The following MAN2A1 variants were observed in gnomAD, a reference collection of about 807,000 sequenced individuals.
MAN2A1 encodes the protein mannosidase alpha class 2A member 1.
Under a neutral mutation model 142.6 loss-of-function variants are expected in MAN2A1, and 76 were observed. The ratio of observed to expected loss-of-function variants is 0.53; its 90% CI spans 0.44 to 0.65. The LOEUF (loss-of-function observed/expected upper bound fraction) is 0.65, where lower values mean the gene tolerates loss of function less well. Ranked by LOEUF, MAN2A1 falls within the 30% of genes least tolerant of loss-of-function variation. The pLI is 0.00. For synonymous variants in MAN2A1, 559 were observed against 473.2 expected, an observed-to-expected ratio of 1.18 and a Z score of -2.35; for missense variants, 1,311 against 1,365.1, an observed-to-expected ratio of 0.96 and a Z score of 0.62.
intron 17 of MAN2A1, among the ~76,000 whole-genome samples, chr5:109,844,579 A>T (rs1413283302): frequency 2.0e-5 from 3 of 152,030 alleles, no homozygotes; most frequent in Non-Finnish European, 4.4e-5. Context: ...ACAAAACTTT[A>T]TTCTTTCACA....
At chr5:109,809,265 A>G (rs998248546) in intron 12 of MAN2A1, among the ~76,000 whole-genome samples, 16 of 152,108 alleles carry the variant, frequency 1.1e-4, no homozygotes, top group African/African-American at 3.9e-4. Flanking sequence ...AGCATAGATG[A>G]CTTATTATAG....
intron 5 of MAN2A1, among the ~76,000 whole-genome samples, chr5:109,765,594 T>C (rs1752968237): frequency 6.6e-6 from 1 of 152,168 alleles, no homozygotes; most frequent in Non-Finnish European, 1.5e-5. Context: ...GGAATAAATA[T>C]TCTATACCTC....
At chr5:109,763,524 G>A (rs77975816) in intron 5 of MAN2A1, among the ~76,000 whole-genome samples, 3 of 113,002 alleles carry the variant, frequency 2.7e-5, no homozygotes, top group African/African-American at 1.3e-4. Context: ...ATTTATTTTA[G>A]TATTATTATT....
chr5:109,767,787 G>A, intron 6 of MAN2A1, 79 bp downstream of exon 6: 2 of 1,218,918 alleles, frequency 1.6e-6, no homozygotes, highest in Non-Finnish European at 2.3e-6. Context: ...TGCCACTGTG[G>A]GTTTTGTTCA....
intron 12 of MAN2A1, among the ~76,000 whole-genome samples, chr5:109,815,955 C>G (rs3797684): frequency 0.17 from 26,294 of 152,164 alleles, 3,235 homozygotes; most frequent in East Asian, 0.64. Flanking sequence ...GTCCAACATC[C>G]TCTTTGAAAT....
Position 109,867,727 on chromosome 5 carries a change from A to G in MAN2A1, c.*729A>G, listed in dbSNP as rs991251085. Reference sequence around the variant, plus strand: ...AAATAGAAGCAATTCCATAGGTACCATAAACCTATTTTAGGTACCACAAGG... The same window carrying G: ...AAATAGAAGCAATTCCATAGGTACCGTAAACCTATTTTAGGTACCACAAGG... On this transcript the variant is annotated 3_prime_UTR_variant, in exon 22 of 22. Transcript: ENST00000261483. 1.3e-5 allele frequency: 2 copies of G among 152,626 alleles called. No individual in the cohort carries two copies. The highest frequency in any genetic ancestry group is 2.4e-5 in the African/African-American group (1 of 41,446). 9.5% of individuals were successfully genotyped at this position (152,626 alleles called of 1,614,324 possible). A position where few individuals can be genotyped will look rare whatever the true frequency, so the allele number is the denominator to read the frequency against.
At chr5:109,732,376 A>G (rs536999682) in intron 4 of MAN2A1, among the ~76,000 whole-genome samples, 24 of 152,132 alleles carry the variant, frequency 1.6e-4, no homozygotes, top group Non-Finnish European at 3.1e-4. Flanking sequence ...ATTAGATCCC[A>G]TTTGTCAATT....
At position 109,842,806 on chromosome 5, in the gene MAN2A1, G is replaced by GTTTTTTTTTTTTTTTTTTTTTT. The variant is rs768238978; in HGVS notation, c.2700+362_2700+363insTTTTTTTTTTTTTTTTTTTTTT. ...GGGATTGATGGATTATACTTATTGG[G>GTTTTTTTTTTTTTTTTTTTTTT]TTTTTTTTTTTTTTTTTGAGAAAGA... On this transcript the variant is annotated intron_variant, in intron 17 of 21. Transcript: ENST00000261483. Among the ~76,000 whole-genome samples, 26 of 116,180 alleles carry GTTTTTTTTTTTTTTTTTTTTTT rather than the reference G, an allele frequency of 2.2e-4. 2 individuals carry two copies. The highest frequency in any genetic ancestry group is 6.8e-4 in the South Asian group (2 of 2,932). The allele number at this position is 116,180 out of a possible 152,430, so 76.2% of individuals were successfully genotyped here. A position where few individuals can be genotyped will look rare whatever the true frequency, so the allele number is the denominator to read the frequency against.
intron 1 of MAN2A1, among the ~76,000 whole-genome samples, chr5:109,698,003 T>A (rs189351032): frequency 1.5e-3 from 224 of 152,342 alleles, no homozygotes; most frequent in Admixed American, 3.0e-3. Flanking sequence ...CTGAAGGTTT[T>A]GCACTGTAGG....
chr5:109,778,791 ATACT>A (rs1414219497), intron 8 of MAN2A1, among the ~76,000 whole-genome samples: 1 of 152,048 alleles, frequency 6.6e-6, no homozygotes, highest in East Asian at 1.9e-4. Context: ...TTCTTGTGGG[ATACT>A]TAAAGTTACT....
At chr5:109,745,511 A>T (rs1158815458) in intron 4 of MAN2A1, among the ~76,000 whole-genome samples, 2 of 152,192 alleles carry the variant, frequency 1.3e-5, no homozygotes, top group Non-Finnish European at 2.9e-5. Flanking sequence ...TTTTATGAAT[A>T]AAGTATTGTT....
At chr5:109,808,815 T>G (rs1393749571) in intron 12 of MAN2A1, among the ~76,000 whole-genome samples, 1 of 151,800 alleles carries the variant, frequency 6.6e-6, no homozygotes, top group African/African-American at 2.4e-5. Flanking sequence ...GTGATTCTTG[T>G]GCCTCAGCCT....
At chr5:109,814,443 C>T (rs1022149766) in intron 12 of MAN2A1, among the ~76,000 whole-genome samples, 2 of 152,134 alleles carry the variant, frequency 1.3e-5, no homozygotes, top group Non-Finnish European at 1.5e-5. Context: ...TTTCTCTGTA[C>T]TCTACTTAAA....
intron 1 of MAN2A1, among the ~76,000 whole-genome samples, chr5:109,707,736 G>A (rs1012299067): frequency 1.3e-5 from 2 of 152,134 alleles, no homozygotes; most frequent in Non-Finnish European, 2.9e-5. Context: ...GGCTTGGAAC[G>A]GAGATAAGAT....
At chr5:109,731,195 T>A (rs1036799065) in intron 4 of MAN2A1, among the ~76,000 whole-genome samples, 1 of 151,944 alleles carries the variant, frequency 6.6e-6, no homozygotes, top group Non-Finnish European at 1.5e-5. Context: ...CCTCAAACAT[T>A]TATCATTTTC....
intron 16 of MAN2A1, among the ~76,000 whole-genome samples, chr5:109,835,416 A>G (rs957231248): frequency 5.3e-5 from 8 of 152,234 alleles, no homozygotes; most frequent in African/African-American, 1.9e-4. Flanking sequence ...CAGTATTTTT[A>G]AGACACTCAG....
rs1755928959 is a variant in MAN2A1 at position 109,868,123 on chromosome 5, G to C, written c.*1125G>C. 1 of 152,170 alleles carries C rather than the reference G, an allele frequency of 6.6e-6. No homozygotes were observed. The highest frequency in any genetic ancestry group is 1.5e-5 in the Non-Finnish European group (1 of 68,026). 9.4% of individuals were successfully genotyped at this position (152,170 alleles called of 1,614,324 possible). A position where few individuals can be genotyped will look rare whatever the true frequency, so the allele number is the denominator to read the frequency against. On this transcript the variant is annotated 3_prime_UTR_variant, in exon 22 of 22. Transcript: ENST00000261483. ...CAAGGAAACTGCAACTTGAAGCAAG[G>C]ATTTTGTAAAATGCAAAATCCAGCT...
chr5:109,848,678 T>C lies in MAN2A1; in HGVS notation c.2976+888T>C, dbSNP rs561182283. On this transcript the variant is annotated intron_variant, in intron 19 of 21. Coordinates refer to ENST00000261483, the MANE Select transcript of MAN2A1 (RefSeq NM_002372.4). Reference sequence around the variant, plus strand: ...CTCTTCACCCACCTCAGCATCCTTTTACTGTTCATTCTCTCCCTCTCTCTT... The same window carrying C: ...CTCTTCACCCACCTCAGCATCCTTTCACTGTTCATTCTCTCCCTCTCTCTT... 2.6e-4 allele frequency among the ~76,000 whole-genome samples: 40 copies of C among 152,252 alleles called. No individual in the cohort carries two copies. In the South Asian group the frequency reaches 6.0e-3, roughly 23 times the overall value.
chr5:109,790,769 G>A (rs1168151702), intron 12 of MAN2A1, among the ~76,000 whole-genome samples: 4 of 151,942 alleles, frequency 2.6e-5, no homozygotes, highest in East Asian at 3.9e-4. Flanking sequence ...TTTTGGTGGA[G>A]GAAGATCTTT....
Sources: gnomAD v4.1 joint callset for allele counts (sites outside exome capture counted in the v4.1 genomes callset) on GRCh38, gnomAD v4.1.1 for gene constraint, MANE v1.5 for transcripts, NCBI Gene and HGNC (gene_info 2026-07-23, HGNC 2026-07-21) for gene names.